Variants in RRAGD observed in about 807,000 individuals in gnomAD.
RRAGD encodes ras-related GTP-binding protein D.
A neutral mutation model predicts 35.5 loss-of-function variants in RRAGD; 12 were observed. The ratio of observed to expected loss-of-function variants is 0.34; its 90% confidence interval spans 0.22 to 0.55. The LOEUF (loss-of-function observed/expected upper bound fraction) is 0.55. Among genes scored for constraint, RRAGD ranks in the 20% least tolerant of loss-of-function variants. RRAGD has a pLI of 0.91. For synonymous variants in RRAGD, 155 were observed against 178.9 expected (o/e 0.87, Z 1.07); for missense variants, 324 against 490.1 (o/e 0.66, Z 3.20).
chr6:89,388,585 T>C (rs925855051), intron 1 of RRAGD, among the ~76,000 whole-genome samples: 54 of 152,286 alleles, frequency 3.5e-4, no homozygotes, highest in African/African-American at 1.3e-3. Flanking sequence ...GGCTAACGTA[T>C]TGGACAGCAC....
Position 89,366,112 on chromosome 6 carries a change from A to G in RRAGD, c.*1944T>C, listed in dbSNP as rs854908. The G allele has an allele frequency of 6.6e-6, 1 of 152,156 alleles. No individual in the cohort carries two copies. The highest frequency in any genetic ancestry group is 2.4e-5 in the African/African-American group (1 of 41,422). The allele number at this position is 152,156 out of a possible 1,614,324, so 9.4% of individuals were successfully genotyped here. Reference sequence around the variant, plus strand: ...GAAATCTCCTTTCAAAATGCACAGAACCTTGGGAGGCTCAAACCTTAAACA... The same window carrying G: ...GAAATCTCCTTTCAAAATGCACAGAGCCTTGGGAGGCTCAAACCTTAAACA... On this transcript the variant is annotated 3_prime_UTR_variant, in exon 7 of 7. Transcript: ENST00000369415.
intron 5 of RRAGD, among the ~76,000 whole-genome samples, chr6:89,376,308 T>TGTGTGTGTGTG (rs1562446162): frequency 4.1e-5 from 1 of 24,246 alleles, no homozygotes; most frequent in Non-Finnish European, 8.2e-5. Flanking sequence ...GTGGTGTGTG[T>TGTGTGTGTGTG]GTGTGTGTGT....
At chr6:89,393,909 T>C (rs1309898762) in intron 1 of RRAGD, among the ~76,000 whole-genome samples, 1 of 152,168 alleles carries the variant, frequency 6.6e-6, no homozygotes, top group Non-Finnish European at 1.5e-5. Context: ...AATAAAAATG[T>C]ATGAATGTAT....
chr6:89,406,470 A>G (rs990743726), intron 1 of RRAGD, among the ~76,000 whole-genome samples: 6 of 152,028 alleles, frequency 3.9e-5, no homozygotes, highest in Admixed American at 3.3e-4. Flanking sequence ...GCGGCTGGAC[A>G]TCGAGAGGAG....
At chr6:89,392,479 C>CAA (rs113271127) in intron 1 of RRAGD, among the ~76,000 whole-genome samples, 7,033 of 141,534 alleles carry the variant, frequency 0.05, 411 homozygotes, top group East Asian at 0.26. Context: ...AACCCTGTCT[C>CAA]GAAAAAAAAA....
intron 1 of RRAGD, among the ~76,000 whole-genome samples, chr6:89,407,524 C>A (rs1451984935): frequency 1.3e-5 from 2 of 152,052 alleles, no homozygotes; most frequent in Admixed American, 1.3e-4. Flanking sequence ...TGTAATCAAT[C>A]CCACCTATTG....
At chr6:89,401,533 T>A (rs1237117248) in intron 1 of RRAGD, among the ~76,000 whole-genome samples, 1 of 151,958 alleles carries the variant, frequency 6.6e-6, no homozygotes, top group Non-Finnish European at 1.5e-5. Context: ...TGGGATAACA[T>A]GCGTGAACCA....
chr6:89,402,038 A>ATTTTTTTTTTTTCTT (rs61239155), intron 1 of RRAGD, among the ~76,000 whole-genome samples: 1 of 78,440 alleles, frequency 1.3e-5, no homozygotes, highest in African/African-American at 6.3e-5. Context: ...AATCCTAAGG[A>ATTTTTTTTTTTTCTT]TTTTTTTTTT....
chr6:89,372,372 C>G (rs1415871324), intron 6 of RRAGD, 65 bp downstream of exon 6: 12 of 1,505,736 alleles, frequency 8.0e-6, no homozygotes, highest in Middle Eastern at 1.8e-4. Flanking sequence ...ATTCAACAAA[C>G]AATACATGCA....
intron 2 of RRAGD, among the ~76,000 whole-genome samples, chr6:89,386,405 A>G (rs903091766): frequency 6.6e-6 from 1 of 152,186 alleles, no homozygotes; most frequent in Non-Finnish European, 1.5e-5. Context: ...GCCAATGTGG[A>G]ATGCTAGAAA....
chr6:89,403,347 A>C (rs1769511914), intron 1 of RRAGD, among the ~76,000 whole-genome samples: 1 of 152,072 alleles, frequency 6.6e-6, no homozygotes, highest in Non-Finnish European at 1.5e-5. Context: ...CAGGAGGCTG[A>C]AGCAGGAGAA....
At chr6:89,391,622 T>A (rs1039319984) in intron 1 of RRAGD, among the ~76,000 whole-genome samples, 1 of 152,128 alleles carries the variant, frequency 6.6e-6, no homozygotes, top group African/African-American at 2.4e-5. Context: ...AGAGAGCGAC[T>A]GTTAACTGGT....
chr6:89,392,414 A>C (rs1769254212), intron 1 of RRAGD, among the ~76,000 whole-genome samples: 1 of 150,972 alleles, frequency 6.6e-6, no homozygotes, highest in Non-Finnish European at 1.5e-5. Flanking sequence ...CAGGAGTTCA[A>C]GGCTGCCGTG....
rs1203731453 is a variant in RRAGD at position 89,385,041 on chromosome 6, G to A, written c.444+2254C>T. ...TGAATAGCCACTGCACTCCAGCCTG[G>A]GCAACATAGTGAGACCTCGTCTGAG... On this transcript the variant is annotated intron_variant, in intron 2 of 6. Transcript: ENST00000369415. 2.0e-5 allele frequency among the ~76,000 whole-genome samples: 3 copies of A among 151,762 alleles called. No homozygotes were observed. The East Asian group carries it at 5.8e-4, about 29-fold the overall frequency.
In RRAGD at chr6:89,366,377, T is replaced by C. The variant is rs559883371; in HGVS notation, c.*1679A>G. 6.6e-6 allele frequency: 1 copy of C among 152,090 alleles called. No homozygotes were observed. The highest frequency in any genetic ancestry group is 6.6e-5 in the Admixed American group (1 of 15,248). The allele number at this position is 152,090 out of a possible 1,614,324, so 9.4% of individuals were successfully genotyped here. A position where few individuals can be genotyped will look rare whatever the true frequency, so the allele number is the denominator to read the frequency against. ...ATCCTGTCTCTACAAAAACAAAATT[T>C]AAGAATTAGCCGGGCGTGGTTGTGC... On this transcript the variant is annotated 3_prime_UTR_variant, in exon 7 of 7. Transcript: ENST00000369415.
At chr6:89,374,402 T>C (rs1311167441) in intron 5 of RRAGD, among the ~76,000 whole-genome samples, 2 of 152,182 alleles carry the variant, frequency 1.3e-5, no homozygotes, top group African/African-American at 2.4e-5. Flanking sequence ...TTTTTAGTTT[T>C]GAGAGTATTT....
intron 1 of RRAGD, among the ~76,000 whole-genome samples, chr6:89,396,646 T>C (rs1371468576): frequency 1.3e-5 from 2 of 151,500 alleles, no homozygotes; most frequent in African/African-American, 4.9e-5. Flanking sequence ...CTTGAACTCC[T>C]GGGCTCAAGC....
intron 1 of RRAGD, among the ~76,000 whole-genome samples, chr6:89,402,696 T>G (rs1303921889): frequency 6.6e-6 from 1 of 152,132 alleles, no homozygotes; most frequent in Non-Finnish European, 1.5e-5. Flanking sequence ...GCAGCTCACA[T>G]TGGGAAAGGA....
chr6:89,383,894 C>T (rs111274573), intron 2 of RRAGD, among the ~76,000 whole-genome samples: 43 of 151,856 alleles, frequency 2.8e-4, no homozygotes, highest in African/African-American at 9.7e-4. Context: ...GAGGCCGAGG[C>T]GGGTGGATCA....
Sources: allele counts gnomAD v4.1 joint callset (sites outside exome capture counted in the v4.1 genomes callset), GRCh38; gene constraint gnomAD v4.1.1; transcripts MANE v1.5; gene names NCBI Gene and HGNC (gene_info 2026-07-23, HGNC 2026-07-21).